The following MAPT variants were observed in gnomAD, a reference collection of about 807,000 sequenced individuals.
MAPT encodes microtubule associated protein tau.
A neutral mutation model predicts 67.9 loss-of-function variants in MAPT; 34 were observed. The ratio of observed to expected loss-of-function variants is 0.50; its 90% CI spans 0.38 to 0.67. The LOEUF (loss-of-function observed/expected upper bound fraction) is 0.67, where lower values mean the gene tolerates loss of function less well. Ranked by LOEUF, MAPT falls within the 30% of genes least tolerant of loss-of-function variation. The probability of loss-of-function intolerance (pLI) is 0.00; values close to 1 mark genes in which losing one functional copy is unlikely to be tolerated. For missense variants in MAPT, 881 were observed against 1,115.2 expected (o/e 0.79, Z 2.99); for synonymous variants, 456 against 464.5 (o/e 0.98, Z 0.23).
At chr17:45,938,050 A>C (rs1298214167) in intron 1 of MAPT, among the ~76,000 whole-genome samples, 1 of 152,150 alleles carries the variant, frequency 6.6e-6, no homozygotes, top group Non-Finnish European at 1.5e-5. Flanking sequence ...CCCCCAAATC[A>C]AGTTGTCATT....
At chr17:45,956,542 G>T (rs1410968024) in intron 1 of MAPT, among the ~76,000 whole-genome samples, 1 of 138,604 alleles carries the variant, frequency 7.2e-6, no homozygotes, top group Non-Finnish European at 1.5e-5. Flanking sequence ...ACTCTAGCAG[G>T]TTCTTTTATA....
chr17:46,023,248 A>C (rs1166594815), intron 12 of MAPT, among the ~76,000 whole-genome samples: 1 of 152,232 alleles, frequency 6.6e-6, no homozygotes, highest in Non-Finnish European at 1.5e-5. Flanking sequence ...TGATGTTCAT[A>C]CGGGTTTATT....
chr17:45,925,551 A>G (rs939472755), intron 1 of MAPT, among the ~76,000 whole-genome samples: 1 of 143,176 alleles, frequency 7.0e-6, no homozygotes, highest in Non-Finnish European at 1.5e-5. Context: ...AGATTTATGT[A>G]CCAAGATGTT....
chr17:45,898,589 C>T (rs1051965725), intron 1 of MAPT: 4 of 152,136 alleles, frequency 2.6e-5, no homozygotes, highest in African/African-American at 7.2e-5. Flanking sequence ...TTCCACTTTC[C>T]CTCAGCATTT....
chr17:45,904,321 AATATATATTATATATTATATATATATT>A (rs1262502214), intron 1 of MAPT, among the ~76,000 whole-genome samples: 6 of 32,660 alleles, frequency 1.8e-4, no homozygotes, highest in South Asian at 8.7e-4. Flanking sequence ...AAACATATAT[AATATATATTATATATTATATATATATT>A]ATATATATTA....
chr17:45,942,177 T>G (rs1311206360), intron 1 of MAPT, among the ~76,000 whole-genome samples: 1 of 152,232 alleles, frequency 6.6e-6, no homozygotes, highest in African/African-American at 2.4e-5. Flanking sequence ...TGGGCATATA[T>G]ACTCTAGTTT....
At chr17:45,946,615 A>AAAAAAAAAAATAT in intron 1 of MAPT, among the ~76,000 whole-genome samples, 12 of 100,400 alleles carry the variant, frequency 1.2e-4, no homozygotes, top group African/African-American at 4.8e-4. Context: ...AAAAAAAAAA[A>AAAAAAAAAAATAT]ATATATATAT....
chr17:45,909,163 G>T (rs2064559425), intron 1 of MAPT, among the ~76,000 whole-genome samples: 1 of 152,128 alleles, frequency 6.6e-6, no homozygotes, highest in Admixed American at 6.5e-5. Context: ...GCAGCCCAGG[G>T]CACACTGGTC....
At chr17:45,904,429 G>A (rs113589236) in intron 1 of MAPT, among the ~76,000 whole-genome samples, 16,135 of 107,378 alleles carry the variant, frequency 0.15, 1,661 homozygotes, top group Middle Eastern at 0.26. Context: ...GGCCAGGCTC[G>A]GTGGCTCACA....
At chr17:45,926,986 TAC>T (rs1047837327) in intron 1 of MAPT, among the ~76,000 whole-genome samples, 7 of 151,382 alleles carry the variant, frequency 4.6e-5, no homozygotes, top group African/African-American at 9.7e-5. Context: ...TGTATATATA[TAC>T]ACACACATAC....
Position 45,897,946 on chromosome 17 carries a change from ATATTTACTGTATAAGCATTG to A in MAPT, c.-18+3285_-18+3304del, listed in dbSNP as rs72297996. 1.3e-5 allele frequency: 2 copies of A among 152,192 alleles called. No individual in the cohort carries two copies. The highest frequency in any genetic ancestry group is 4.8e-5 in the African/African-American group (2 of 41,442). The allele number at this position is 152,192 out of a possible 1,614,324, so 9.4% of individuals were successfully genotyped here. On this transcript the variant is annotated intron_variant, in intron 1 of 12. Coordinates refer to ENST00000262410, the MANE Select transcript of MAPT (RefSeq NM_001377265.1). This position sits in a 1 kb window ranked among gnomAD's most constrained non-coding sequence, Gnocchi z 5.0. ...ATTTTGTGTTTTGTGATGGCTGCTTATATTTACTGTATAAGCATTGTATTTACTGTATAAGCATTGTATTA... is the reference window on the plus strand; with the variant it reads ...ATTTTGTGTTTTGTGATGGCTGCTTATATTTACTGTATAAGCATTGTATTA...
Position 45,958,916 on chromosome 17 carries a change from C to T in MAPT, c.-17-3405C>T, listed in dbSNP as rs527395280. Among the ~76,000 whole-genome samples the T allele has an allele frequency of 1.9e-3, 294 of 151,602 alleles. 1 individual carries two copies. Among genetic ancestry groups the T allele is most frequent in the African/African-American group, 6.9e-3 (286 of 41,316 alleles). ...CGTCTCTACAAAAAATACAAAAATTCGCCAAGCGTGGTGGCACATGCCTGT... is the reference window on the plus strand; with the variant it reads ...CGTCTCTACAAAAAATACAAAAATTTGCCAAGCGTGGTGGCACATGCCTGT... On this transcript the variant is annotated intron_variant, in intron 1 of 12. Coordinates refer to ENST00000262410, the MANE Select transcript of MAPT (RefSeq NM_001377265.1).
chr17:46,011,719 G>A (rs1050390915), intron 10 of MAPT, among the ~76,000 whole-genome samples: 2 of 152,152 alleles, frequency 1.3e-5, no homozygotes, highest in East Asian at 1.9e-4. Context: ...TGGCAGTACC[G>A]GGACACTGCT....
At chr17:45,941,681 T>TTCCACCCTTCCCC (rs1568207436) in intron 1 of MAPT, among the ~76,000 whole-genome samples, 2 of 42,102 alleles carry the variant, frequency 4.8e-5, no homozygotes, top group African/African-American at 3.3e-4. Flanking sequence ...CCCCCTTCCC[T>TTCCACCCTTCCCC]CCTTCCTTCC....
At chr17:45,982,208 G>A (rs1357446933) in intron 4 of MAPT, among the ~76,000 whole-genome samples, 3 of 151,772 alleles carry the variant, frequency 2.0e-5, no homozygotes, top group Non-Finnish European at 4.4e-5. Flanking sequence ...TGTAATCCCA[G>A]TTACTCGGGA....
At chr17:45,903,319 G>A (rs191330620) in intron 1 of MAPT, among the ~76,000 whole-genome samples, 2 of 152,230 alleles carry the variant, frequency 1.3e-5, no homozygotes, top group African/African-American at 4.8e-5. Flanking sequence ...AGTGGTACCT[G>A]TTTCCAGTTG....
At chr17:45,940,354 TC>T (rs1474651831) in intron 1 of MAPT, among the ~76,000 whole-genome samples, 1 of 152,260 alleles carries the variant, frequency 6.6e-6, no homozygotes, top group Non-Finnish European at 1.5e-5. Context: ...AAGCTGTGTG[TC>T]CTTGGGCAAG....
rs997167995 is a variant in MAPT, at chr17:46,025,132, A to G, written c.*961A>G. 6.6e-6 allele frequency: 1 copy of G among 152,590 alleles called. No homozygotes were observed. Among genetic ancestry groups the G allele is most frequent in the Non-Finnish European group, 1.5e-5 (1 of 68,208 alleles). The allele number at this position is 152,590 out of a possible 1,614,324, so 9.5% of individuals were successfully genotyped here. On this transcript the variant is annotated 3_prime_UTR_variant, in exon 13 of 13. Coordinates refer to ENST00000262410, the MANE Select transcript of MAPT (RefSeq NM_001377265.1). Reference sequence around the variant, plus strand: ...AGTTCTGAAGGTTGGAACTGCTGCCATGATTTTGGCCACTTTGCAGACCTG... The same window carrying G: ...AGTTCTGAAGGTTGGAACTGCTGCCGTGATTTTGGCCACTTTGCAGACCTG...
intron 1 of MAPT, among the ~76,000 whole-genome samples, chr17:45,943,637 T>C (rs1598076176): frequency 1.3e-5 from 2 of 152,206 alleles, no homozygotes; most frequent in Non-Finnish European, 2.9e-5. Flanking sequence ...AGCCCATTTC[T>C]GGTCATTTTC....
Sources: allele counts gnomAD v4.1 joint callset (sites outside exome capture counted in the v4.1 genomes callset), GRCh38; gene constraint gnomAD v4.1.1; non-coding constraint Gnocchi (gnomAD v3.1); transcripts MANE v1.5; gene names NCBI Gene and HGNC (gene_info 2026-07-23, HGNC 2026-07-21).